TRPS1: variants seen among roughly 807,000 people sequenced by gnomAD.
The protein encoded by TRPS1 is transcriptional repressor GATA binding 1.
In TRPS1, 6 loss-of-function variants were observed where a neutral mutation model predicts 101.2. That is an observed-to-expected ratio of 0.06 (90% CI 0.03 to 0.12). TRPS1 has a LOEUF of 0.12. Ranked by LOEUF, TRPS1 falls within the 10% of genes least tolerant of loss-of-function variation. TRPS1 has a pLI of 1.00. For synonymous variants in TRPS1, 578 were observed against 589.8 expected (o/e 0.98, Z 0.29); for missense variants, 1,363 against 1,567.0 (o/e 0.87, Z 2.20).
At chr8:115,415,477 C>T (rs1160608588) in intron 6 of TRPS1, among the ~76,000 whole-genome samples, 2 of 152,004 alleles carry the variant, frequency 1.3e-5, no homozygotes, top group East Asian at 3.9e-4. Flanking sequence ...ATAAGAGTAA[C>T]ACAGGAGATA....
At chr8:115,545,621 C>T (rs923291459) in intron 5 of TRPS1, among the ~76,000 whole-genome samples, 5 of 152,122 alleles carry the variant, frequency 3.3e-5, no homozygotes, top group East Asian at 1.9e-4. Flanking sequence ...TAGACCTATA[C>T]TATTTACTGT....
chr8:115,651,160 C>T (rs1811550697), intron 1 of TRPS1, among the ~76,000 whole-genome samples: 1 of 152,190 alleles, frequency 6.6e-6, no homozygotes, highest in African/African-American at 2.4e-5. Context: ...TAGTGTCTCA[C>T]ATATAATATC....
chr8:115,614,701 T>C (rs1214640819), intron 3 of TRPS1, among the ~76,000 whole-genome samples: 7 of 152,238 alleles, frequency 4.6e-5, no homozygotes, highest in African/African-American at 1.7e-4. Flanking sequence ...TTTTCTAAAC[T>C]GCAATTGTCC....
chr8:115,471,824 C>A (rs1413614846), intron 5 of TRPS1, among the ~76,000 whole-genome samples: 2 of 152,192 alleles, frequency 1.3e-5, no homozygotes, highest in African/African-American at 4.8e-5. Flanking sequence ...TCCACTAGGG[C>A]AGCCAAATAT....
intron 4 of TRPS1, among the ~76,000 whole-genome samples, chr8:115,598,404 C>T (rs370295704): frequency 5.1e-4 from 78 of 152,222 alleles, no homozygotes; most frequent in African/African-American, 1.8e-3. Context: ...ACCTCCTGGG[C>T]TTAAGTGATC....
intron 4 of TRPS1, among the ~76,000 whole-genome samples, chr8:115,600,106 CAT>C (rs1817876511): frequency 6.6e-6 from 1 of 152,156 alleles, no homozygotes; most frequent in Non-Finnish European, 1.5e-5. Flanking sequence ...GAGCTTTTCT[CAT>C]ATGTTTATTG....
At chr8:115,629,966 C>T (rs1039303750) in intron 1 of TRPS1, among the ~76,000 whole-genome samples, 2 of 151,874 alleles carry the variant, frequency 1.3e-5, no homozygotes, top group African/African-American at 2.4e-5. Context: ...CATAGCTTTA[C>T]AGGCTTTTGA....
rs1410987986 is a variant in TRPS1, at chr8:115,619,301, C to T, written c.797G>A (p.Arg266His). The T allele has an allele frequency of 8.1e-6, 13 of 1,613,902 alleles. No individual in the cohort carries two copies. The highest frequency in any genetic ancestry group is 1.7e-5 in the Admixed American group (1 of 59,998). ...GTCCAGCTCAGCATCTTGCCTGGTG[C>T]GGTTATGCAGTCCTAAGTGATACTT... ...FRKYHLGLHN[R>H]TRQDAELDSK... Residue 266 changes from arginine to histidine, a missense_variant, in exon 3 of 7, where the codon CGC (arginine) becomes CAC (histidine). This residue lies in a region of TRPS1 where 1,020 missense variants were observed against 1,073.0 expected (regional missense o/e 0.95). Coordinates refer to ENST00000395715, the MANE Select transcript of TRPS1 (RefSeq NM_014112.5).
chr8:115,616,206 A>G (rs1818273271), intron 3 of TRPS1, among the ~76,000 whole-genome samples: 1 of 152,178 alleles, frequency 6.6e-6, no homozygotes, highest in South Asian at 2.1e-4. Flanking sequence ...ATGCAGCACA[A>G]AGAAACATTG....
At chr8:115,668,298 ACCCGAGAAGCCTGCGCTTGGCTTTCTG>A (rs1811978166) in intron 1 of TRPS1, 1 of 182,888 alleles carries the variant, frequency 5.5e-6, no homozygotes, top group Non-Finnish European at 1.1e-5. Flanking sequence ...TGCATGTGAA[ACCCGAGAAGCCTGCGCTTGGCTTTCTG>A]CACACTCTCC....
intron 5 of TRPS1, among the ~76,000 whole-genome samples, chr8:115,504,781 T>A (rs1054027578): frequency 2.0e-5 from 3 of 152,194 alleles, no homozygotes; most frequent in African/African-American, 7.2e-5. Context: ...ATATATGACC[T>A]TTTACAACAA....
At chr8:115,599,219 GCT>G (rs1043316513) in intron 4 of TRPS1, among the ~76,000 whole-genome samples, 3 of 151,828 alleles carry the variant, frequency 2.0e-5, no homozygotes, top group East Asian at 3.9e-4. Flanking sequence ...TAATTCATTT[GCT>G]CTCTTTGTCT....
intron 5 of TRPS1, among the ~76,000 whole-genome samples, chr8:115,488,850 A>G (rs1814952187): frequency 6.6e-6 from 1 of 152,210 alleles, no homozygotes; most frequent in Admixed American, 6.6e-5. Context: ...TAGAGTTAAA[A>G]TAATCAGCTC....
chr8:115,478,347 T>A (rs182827781), intron 5 of TRPS1, among the ~76,000 whole-genome samples: 1 of 152,200 alleles, frequency 6.6e-6, no homozygotes, highest in Non-Finnish European at 1.5e-5. Flanking sequence ...CATAACTCAA[T>A]TTTTTCAAAA....
At position 115,471,424 on chromosome 8, in the gene TRPS1, C is replaced by T. The variant is rs117285104; in HGVS notation, c.2701-52972G>A. Among the ~76,000 whole-genome samples, 269 of 152,226 alleles carry T rather than the reference C, an allele frequency of 1.8e-3. 9 individuals carry two copies. In the East Asian group the frequency reaches 0.045, roughly 26 times the overall value. ...ATGAGAACAGCAGCATTGGGGTAAC[C>T]GCCCCCATGATTCAATTACCTCCCA... is the stretch of plus-strand genomic sequence containing the variant. On this transcript the variant is annotated intron_variant, in intron 5 of 6. Transcript: ENST00000395715.
intron 5 of TRPS1, among the ~76,000 whole-genome samples, chr8:115,544,720 GT>G (rs1026448017): frequency 6.6e-6 from 1 of 152,030 alleles, no homozygotes; most frequent in African/African-American, 2.4e-5. Context: ...ATTTGCATTC[GT>G]TAACACCCTT....
At chr8:115,455,775 C>CTTT (rs386413741) in intron 5 of TRPS1, among the ~76,000 whole-genome samples, 3,059 of 119,972 alleles carry the variant, frequency 0.025, 67 homozygotes, top group Non-Finnish European at 0.043. Context: ...TTCTTTCTTT[C>CTTT]TTTTTTTTTT....
rs1459136277 is a variant in TRPS1 at position 115,455,839 on chromosome 8, C to T, written c.2701-37387G>A. Among the ~76,000 whole-genome samples the T allele has an allele frequency of 2.1e-5, 3 of 140,742 alleles. No homozygotes were observed. In the Admixed American group the frequency reaches 2.3e-4, roughly 11 times the overall value. The allele number at this position is 140,742 out of a possible 152,430, so 92.3% of individuals were successfully genotyped here. Reference sequence around the variant, plus strand: ...TTGCTCTGTCGCCCAGGCTGGAGTGCAGTGGTGTGATCTCAGCTCACTGCA... The same window carrying T: ...TTGCTCTGTCGCCCAGGCTGGAGTGTAGTGGTGTGATCTCAGCTCACTGCA... On this transcript the variant is annotated intron_variant, in intron 5 of 6. Coordinates refer to ENST00000395715, the MANE Select transcript of TRPS1 (RefSeq NM_014112.5).
intron 5 of TRPS1, among the ~76,000 whole-genome samples, chr8:115,470,337 TATGAA>T (rs1258317920): frequency 6.6e-6 from 1 of 152,158 alleles, no homozygotes; most frequent in East Asian, 1.9e-4. Flanking sequence ...AATTTGAAAA[TATGAA>T]ATGCTGTTTG....
Sources: gnomAD v4.1 joint callset for allele counts (sites outside exome capture counted in the v4.1 genomes callset) on GRCh38, gnomAD v4.1.1 for gene constraint, gnomAD v4.1.1 regional missense constraint, MANE v1.5 for transcripts, NCBI Gene and HGNC (gene_info 2026-07-23, HGNC 2026-07-21) for gene names.